SH3TC1: variants seen among roughly 807,000 people sequenced by gnomAD.
SH3TC1 encodes the protein SH3 domain and tetratricopeptide repeat-containing protein 1.
A neutral mutation model predicts 117.3 loss-of-function variants in SH3TC1; 135 were observed. The ratio of observed to expected loss-of-function variants is 1.15; its 90% CI spans 1.00 to 1.33. The LOEUF (loss-of-function observed/expected upper bound fraction) is 1.33, where lower values mean the gene tolerates loss of function less well. SH3TC1 is among the 40% of genes most tolerant of loss of function. The probability of loss-of-function intolerance (pLI) is 0.00; values close to 1 mark genes in which losing one functional copy is unlikely to be tolerated. For synonymous variants in SH3TC1, 898 were observed against 816.9 expected, an observed-to-expected ratio of 1.10 and a Z score of -1.69; for missense variants, 2,092 against 1,794.3, an observed-to-expected ratio of 1.17 and a Z score of -3.00.
chr4:8,223,341 TG>T (rs1221445039), intron 10 of SH3TC1, among the ~76,000 whole-genome samples: 1 of 152,264 alleles, frequency 6.6e-6, no homozygotes, highest in Non-Finnish European at 1.5e-5. Context: ...GCACTTTGCC[TG>T]GGTGAGAGTG....
chr4:8,197,979 G>T (rs957659477), upstream of SH3TC1, among the ~76,000 whole-genome samples: 2 of 152,064 alleles, frequency 1.3e-5, no homozygotes, highest in African/African-American at 4.8e-5. Flanking sequence ...AGCCTGGGGT[G>T]ACTTCACCCC....
chr4:8,199,839 A>G (rs1717708134), intron 1 of SH3TC1, among the ~76,000 whole-genome samples: 1 of 152,154 alleles, frequency 6.6e-6, no homozygotes, highest in African/African-American at 2.4e-5. Flanking sequence ...CCAGCGCCTC[A>G]GCCTCACCCG....
Position 8,236,322 on chromosome 4 carries a change from G to A in SH3TC1, c.3450G>A (p.Ala1150=), listed in dbSNP as rs1055955017. ...CAGTGACTACGGGCAACCGCAAGGC[G>A]GAGCTGCGGCTGTGCAACAAGCTGG... The part of the protein sequence containing the change: ...PLAVTTGNRK[A]ELRLCNKLVA... The change falls in exon 16 of 18, where the codon GCG becomes GCA. Residue 1150 remains alanine, a synonymous_variant. Coordinates refer to ENST00000245105, the MANE Select transcript of SH3TC1 (RefSeq NM_018986.5). The A allele has an allele frequency of 5.4e-5, 84 of 1,554,392 alleles. No individual in the cohort carries two copies. The highest frequency in any genetic ancestry group is 4.9e-4 in the South Asian group (41 of 84,362).
intron 14 of SH3TC1, 28 bp from the exon 15 acceptor site, chr4:8,235,405 T>G: frequency 2.1e-6 from 3 of 1,460,590 alleles, no homozygotes; most frequent in Non-Finnish European, 2.7e-6. Context: ...CAGGTGTGGG[T>G]CTTGAGGGAA....
rs762712418 is a variant in SH3TC1 at position 8,232,555 on chromosome 4, G to A, written c.3131+399G>A. 5.1e-6 allele frequency: 7 copies of A among 1,363,068 alleles called. No homozygotes were observed. The East Asian group carries it at 2.7e-4, about 52-fold the overall frequency. The allele number at this position is 1,363,068 out of a possible 1,614,324, so 84.4% of individuals were successfully genotyped here. A position where few individuals can be genotyped will look rare whatever the true frequency, so the allele number is the denominator to read the frequency against. On this transcript the variant is annotated intron_variant, in intron 13 of 17. Transcript: ENST00000245105. ...AAATGTGACCACAGCAGCCACCTGT[G>A]GCTTCTCTCCCACAGAAGACAGAGC...
intron 9 of SH3TC1, among the ~76,000 whole-genome samples, chr4:8,220,627 G>T (rs1292130465): frequency 6.6e-6 from 1 of 152,228 alleles, no homozygotes; most frequent in African/African-American, 2.4e-5. Context: ...GGAGCCCAGA[G>T]AATGTGGGTG....
At chr4:8,237,792 G>C in intron 17 of SH3TC1, 122 bp downstream of exon 17, 1 of 1,078,178 alleles carries the variant, frequency 9.3e-7, no homozygotes, top group Non-Finnish European at 1.3e-6. Context: ...TCCCTGGAGC[G>C]CTGCGCCCGG....
At chr4:8,229,507 G>T (rs1720926793) in intron 12 of SH3TC1, among the ~76,000 whole-genome samples, 1 of 136,856 alleles carries the variant, frequency 7.3e-6, no homozygotes, top group South Asian at 2.5e-4. Flanking sequence ...GCGGGGGTGT[G>T]AGCGGGTGAG....
intron 16 of SH3TC1, 163 bp from the exon 17 acceptor site, chr4:8,237,311 T>C: frequency 5.1e-6 from 3 of 593,772 alleles, no homozygotes; most frequent in Non-Finnish European, 8.4e-6. Context: ...GCCTTATTAG[T>C]TCTGCTTTGT....
In SH3TC1 at chr4:8,227,075, C is replaced by G; in HGVS notation, c.1381C>G (p.Gln461Glu). The part of the protein sequence containing the change: ...EQCKTCPGCP[Q>E]EPASWGLCAA... ...ATGCAAGACCTGCCCAGGCTGCCCC[C>G]AGGAGCCAGCGTCCTGGGGTCTCTG... is the stretch of plus-strand genomic sequence containing the variant. Residue 461 changes from glutamine to glutamate, a missense_variant, in exon 12 of 18, where the codon CAG (glutamine) becomes GAG (glutamate). Gln to Glu is a conservative substitution (Grantham distance 29, BLOSUM62 2). Coordinates refer to ENST00000245105, the MANE Select transcript of SH3TC1 (RefSeq NM_018986.5). 1 of 1,610,940 alleles carries G rather than the reference C, an allele frequency of 6.2e-7. No individual in the cohort carries two copies. Among genetic ancestry groups the G allele is most frequent in the South Asian group, 1.1e-5 (1 of 90,878 alleles).
rs1395779550 is a variant in SH3TC1, at chr4:8,237,635, C to T, written c.3718C>T (p.Leu1240=). Residue 1240 remains leucine, a synonymous_variant, in exon 17 of 18, where the codon CTG becomes TTG. Coordinates refer to ENST00000245105, the MANE Select transcript of SH3TC1 (RefSeq NM_018986.5). The part of the protein sequence containing the change: ...EETLYYVKVY[L]VLGDIIFYDL... ...GACCCTCTACTACGTGAAGGTGTAC[C>T]TGGTGCTCGGTGACATCATCTTCTA... 5.6e-6 allele frequency: 9 copies of T among 1,610,314 alleles called. No individual in the cohort carries two copies. In the Middle Eastern group the frequency reaches 4.9e-4, roughly 88 times the overall value.
At chr4:8,235,616 C>T (rs1721741288) in intron 15 of SH3TC1, 61 bp downstream of exon 15, 7 of 1,498,626 alleles carry the variant, frequency 4.7e-6, no homozygotes, top group Non-Finnish European at 6.3e-6. Context: ...AGGGCTGAGG[C>T]ACAGGTGTGG....
intron 10 of SH3TC1, among the ~76,000 whole-genome samples, chr4:8,224,036 C>A (rs1720207133): frequency 1.0e-5 from 1 of 96,766 alleles, no homozygotes; most frequent in African/African-American, 4.5e-5. Flanking sequence ...CACATGCACT[C>A]ACAAGTATAC....
intron 1 of SH3TC1, among the ~76,000 whole-genome samples, chr4:8,200,734 A>G (rs959785497): frequency 4.6e-5 from 7 of 152,126 alleles, no homozygotes; most frequent in African/African-American, 1.4e-4. Context: ...GGAATTCCGA[A>G]CTCAAGGCGT....
chr4:8,241,051 C>T lies in SH3TC1; in HGVS notation c.*96C>T, dbSNP rs1331418893. ...GCTCATTTTCTGGCAAATGGAGGCA[C>T]GAACGCAGGGGCCAAATAGCAATAA... On this transcript the variant is annotated 3_prime_UTR_variant, in exon 18 of 18. Coordinates refer to ENST00000245105, the MANE Select transcript of SH3TC1 (RefSeq NM_018986.5). 1.1e-5 allele frequency: 16 copies of T among 1,518,140 alleles called. No homozygotes were observed. The highest frequency in any genetic ancestry group is 9.7e-5 in the South Asian group (8 of 82,866). 94.0% of individuals were successfully genotyped at this position (1,518,140 alleles called of 1,614,324 possible). A position where few individuals can be genotyped will look rare whatever the true frequency, so the allele number is the denominator to read the frequency against.
At chr4:8,214,220 G>A (rs1317518940) in intron 4 of SH3TC1, among the ~76,000 whole-genome samples, 1 of 152,012 alleles carries the variant, frequency 6.6e-6, no homozygotes, top group Non-Finnish European at 1.5e-5. Flanking sequence ...GAGGTGTAGA[G>A]GGTGAGGAGC....
chr4:8,232,870 T>C, intron 13 of SH3TC1: 1 of 1,238,460 alleles, frequency 8.1e-7, no homozygotes, highest in Non-Finnish European at 1.0e-6. Context: ...GTGTGGTCCC[T>C]GGACCAGCAG....
intron 9 of SH3TC1, among the ~76,000 whole-genome samples, chr4:8,221,124 A>G (rs2152988275): frequency 6.6e-6 from 1 of 152,308 alleles, no homozygotes; most frequent in South Asian, 2.1e-4. Flanking sequence ...CTGGTGTTCC[A>G]TGGGACACTC....
At position 8,218,274 on chromosome 4, in the gene SH3TC1, G is replaced by C; in HGVS notation, c.843G>C (p.Trp281Cys). 1 of 1,610,104 alleles carries C rather than the reference G, an allele frequency of 6.2e-7. No individual in the cohort carries two copies. ...GACCTCCCTCTTCCGGCTCCAGGTGGGCTCTTAGGATCCCCCAGGACCCCA... is the reference window on the plus strand; with the variant it reads ...GACCTCCCTCTTCCGGCTCCAGGTGCGCTCTTAGGATCCCCCAGGACCCCA... ...APEPLIPFHQ[W>C]ALRIPQDPID... is the part of the protein sequence containing the mutation. Residue 281 changes from tryptophan (W) to cysteine (C), a missense_variant, in exon 8 of 18, where the codon TGG (tryptophan) becomes TGC (cysteine). Transcript: ENST00000245105.
Sources: allele counts gnomAD v4.1 joint callset (sites outside exome capture counted in the v4.1 genomes callset), GRCh38; gene constraint gnomAD v4.1.1; transcripts MANE v1.5; gene names NCBI Gene and HGNC (gene_info 2026-07-23, HGNC 2026-07-21).